B3GLCT: variants seen among roughly 807,000 people sequenced by gnomAD.
B3GLCT encodes beta-1,3-glucosyltransferase.
In B3GLCT, 65 loss-of-function variants were observed where a neutral mutation model predicts 63.4. The ratio of observed to expected loss-of-function variants is 1.03; its 90% CI spans 0.84 to 1.26. The LOEUF is 1.26. Ranked by LOEUF, B3GLCT falls within the 50% of genes most tolerant of loss-of-function variation. B3GLCT has a pLI of 0.00. For missense variants in B3GLCT, 577 were observed against 604.8 expected (o/e 0.95, Z 0.48); for synonymous variants, 233 against 219.2 (o/e 1.06, Z -0.55).
chr13:31,270,318 C>T (rs1460973137), intron 8 of B3GLCT, among the ~76,000 whole-genome samples: 1 of 152,148 alleles, frequency 6.6e-6, no homozygotes, highest in Non-Finnish European at 1.5e-5. Context: ...CAAGAAGGCA[C>T]ACACAAGACT....
chr13:31,266,706 C>T (rs1872342551), intron 7 of B3GLCT, among the ~76,000 whole-genome samples: 1 of 152,210 alleles, frequency 6.6e-6, no homozygotes, highest in South Asian at 2.1e-4. Context: ...GAGATTGCCA[C>T]TGAAAGATAG....
At chr13:31,229,532 C>T (rs548675132) in intron 4 of B3GLCT, among the ~76,000 whole-genome samples, 22 of 152,068 alleles carry the variant, frequency 1.4e-4, no homozygotes, top group Non-Finnish European at 2.9e-4. Context: ...GATCCCTTGA[C>T]GTCAGGCATT....
rs1221991435 is a variant in B3GLCT, at chr13:31,284,641, T to A, written c.851-7T>A. On this transcript the variant is annotated splice_region_variant and splice_polypyrimidine_tract_variant and intron_variant, in intron 10 of 14. Transcript: ENST00000343307. Reference sequence around the variant, plus strand: ...GCCAGTGATTGTCACCTCTGTAATTTTTTCAGTACCTATTGTTAAGCAGAC... The same window carrying A: ...GCCAGTGATTGTCACCTCTGTAATTATTTCAGTACCTATTGTTAAGCAGAC... The A allele has an allele frequency of 6.6e-7, 1 of 1,521,174 alleles. No homozygotes were observed. The highest frequency in any genetic ancestry group is 1.4e-5 in the African/African-American group (1 of 73,064). 94.2% of individuals were successfully genotyped at this position (1,521,174 alleles called of 1,614,324 possible).
chr13:31,280,358 C>A (rs1237503443), intron 10 of B3GLCT, among the ~76,000 whole-genome samples: 1 of 152,226 alleles, frequency 6.6e-6, no homozygotes, highest in Non-Finnish European at 1.5e-5. Flanking sequence ...GCCGGTCCCT[C>A]CGTTTGGGGT....
chr13:31,207,203 A>C (rs1200052461), intron 1 of B3GLCT, among the ~76,000 whole-genome samples: 1 of 152,188 alleles, frequency 6.6e-6, no homozygotes, highest in East Asian at 1.9e-4. Flanking sequence ...AAAGTTAATC[A>C]TAAATTATAT....
chr13:31,291,863 T>G (rs982130314), intron 12 of B3GLCT, among the ~76,000 whole-genome samples: 1 of 152,046 alleles, frequency 6.6e-6, no homozygotes, highest in Non-Finnish European at 1.5e-5. Context: ...TGAATAGGAG[T>G]GGTGAGAGAG....
intron 1 of B3GLCT, among the ~76,000 whole-genome samples, chr13:31,211,933 A>C (rs1277390984): frequency 6.6e-6 from 1 of 152,230 alleles, no homozygotes; most frequent in Non-Finnish European, 1.5e-5. Context: ...GTTGTCATAT[A>C]GCTGTCTGGC....
rs939509201 is a variant in B3GLCT at position 31,258,367 on chromosome 13, T to C, written c.460-2579T>C. 7.2e-5 allele frequency among the ~76,000 whole-genome samples: 11 copies of C among 152,186 alleles called. 1 individual carries two copies. The highest frequency in any genetic ancestry group is 4.6e-4 in the Admixed American group (7 of 15,274). The stretch of plus-strand genomic sequence containing the variant: ...ATTGGTTCATCTTTTTTTCTTCAAC[T>C]TCATGTTGGCATGACCAGCTGGTTC... On this transcript the variant is annotated intron_variant, in intron 6 of 14. Transcript: ENST00000343307.
At position 31,267,124 on chromosome 13, in the gene B3GLCT, A is replaced by G. The variant is rs1593285174; in HGVS notation, c.597-2090A>G. On this transcript the variant is annotated intron_variant, in intron 7 of 14. Coordinates refer to ENST00000343307, the MANE Select transcript of B3GLCT (RefSeq NM_194318.4). The stretch of plus-strand genomic sequence containing the variant: ...CTGAGGTTTCCCTCAAAGAAAAAGA[A>G]TTTTCAAGGATTGAATGAGAAAGAA... Among the ~76,000 whole-genome samples, 10 of 152,344 alleles carry G rather than the reference A, an allele frequency of 6.6e-5. No individual in the cohort carries two copies. The South Asian group carries it at 2.1e-3, about 32-fold the overall frequency.
At chr13:31,212,620 G>A (rs1869327874) in intron 1 of B3GLCT, among the ~76,000 whole-genome samples, 1 of 152,098 alleles carries the variant, frequency 6.6e-6, no homozygotes, top group South Asian at 2.1e-4. Flanking sequence ...ATACTGCCCA[G>A]GCTGGTTTCA....
chr13:31,321,929 G>T (rs1296135430), intron 13 of B3GLCT, among the ~76,000 whole-genome samples: 1 of 151,998 alleles, frequency 6.6e-6, no homozygotes, highest in Non-Finnish European at 1.5e-5. Flanking sequence ...TGATATTTTG[G>T]TGCACCTGTC....
chr13:31,315,238 A>C (rs1288417451), intron 12 of B3GLCT, among the ~76,000 whole-genome samples: 1 of 152,226 alleles, frequency 6.6e-6, no homozygotes, highest in Non-Finnish European at 1.5e-5. Context: ...AACAGTTTGG[A>C]GAGCTCAGAA....
intron 4 of B3GLCT, among the ~76,000 whole-genome samples, chr13:31,243,678 G>A (rs1215976263): frequency 1.3e-5 from 2 of 152,144 alleles, no homozygotes; most frequent in African/African-American, 2.4e-5. Flanking sequence ...TAGAATGTTG[G>A]TTTTAAATTT....
chr13:31,311,749 A>G (rs1423081427), intron 12 of B3GLCT: 2 of 152,132 alleles, frequency 1.3e-5, no homozygotes, highest in Non-Finnish European at 2.9e-5. Flanking sequence ...TACTGATACT[A>G]TTTCAGCCAC....
chr13:31,269,561 A>G (rs1872488274), intron 8 of B3GLCT, among the ~76,000 whole-genome samples: 1 of 152,204 alleles, frequency 6.6e-6, no homozygotes, highest in Non-Finnish European at 1.5e-5. Context: ...AAAAAATGCA[A>G]AAATGTCATT....
chr13:31,323,737 C>A lies in B3GLCT; in HGVS notation c.1185-14C>A. ...AGCTTCTCTAACCCCTTTCTCTGCT[C>A]TGGCTCCCACTAGAATGGTCTTCAG... On this transcript the variant is annotated splice_polypyrimidine_tract_variant and intron_variant, in intron 13 of 14. Coordinates refer to ENST00000343307, the MANE Select transcript of B3GLCT (RefSeq NM_194318.4). The A allele has an allele frequency of 6.2e-7, 1 of 1,614,090 alleles. No homozygotes were observed. The highest frequency in any genetic ancestry group is 8.5e-7 in the Non-Finnish European group (1 of 1,179,982).
chr13:31,291,970 T>C (rs922879573), intron 12 of B3GLCT, among the ~76,000 whole-genome samples: 3 of 152,224 alleles, frequency 2.0e-5, no homozygotes, highest in African/African-American at 7.2e-5. Flanking sequence ...ATAGCTCTTA[T>C]TATTTTGAGA....
At chr13:31,247,732 T>TAGAGAA (rs1331958167) in intron 5 of B3GLCT, 123 bp from the exon 6 acceptor site, 2 of 577,994 alleles carry the variant, frequency 3.5e-6, no homozygotes, top group African/African-American at 3.7e-5. Context: ...AAGAAAAATA[T>TAGAGAA]AGAGAAAAAA....
At chr13:31,275,968 A>G (rs1872764394) in intron 9 of B3GLCT, among the ~76,000 whole-genome samples, 1 of 152,152 alleles carries the variant, frequency 6.6e-6, no homozygotes, top group Non-Finnish European at 1.5e-5. Context: ...GTCACTATAA[A>G]CCAGCCCCAA....
Sources: gnomAD v4.1 joint callset for allele counts (sites outside exome capture counted in the v4.1 genomes callset) on GRCh38, gnomAD v4.1.1 for gene constraint, MANE v1.5 for transcripts, NCBI Gene and HGNC (gene_info 2026-07-23, HGNC 2026-07-21) for gene names.